Variants in DGLUCY observed in about 807,000 individuals in gnomAD.
The protein encoded by DGLUCY is D-glutamate cyclase.
DGLUCY carries 58 observed loss-of-function variants against 58.5 expected under a neutral mutation model. The ratio of observed to expected loss-of-function variants is 0.99; its 90% CI spans 0.80 to 1.23. DGLUCY has a LOEUF of 1.23. Ranked by LOEUF, DGLUCY falls within the 50% of genes most tolerant of loss-of-function variation. The pLI is 0.00. For missense variants in DGLUCY, 779 were observed against 784.7 expected (o/e 0.99, Z 0.09); for synonymous variants, 325 against 314.1 (o/e 1.03, Z -0.37).
chr14:91,193,870 A>G (rs934209045), intron 9 of DGLUCY, among the ~76,000 whole-genome samples: 24 of 151,132 alleles, frequency 1.6e-4, no homozygotes, highest in Non-Finnish European at 2.8e-4. Context: ...AAGGAGTTTT[A>G]AAGCTGACTA....
At chr14:91,077,668 C>T (rs935820572) in intron 1 of DGLUCY, among the ~76,000 whole-genome samples, 5 of 151,462 alleles carry the variant, frequency 3.3e-5, no homozygotes, top group African/African-American at 4.9e-5. Flanking sequence ...AGGCGAATCG[C>T]TTGAACCCGG....
chr14:91,077,074 C>A (rs1220098954), intron 1 of DGLUCY, among the ~76,000 whole-genome samples: 1 of 152,026 alleles, frequency 6.6e-6, no homozygotes, highest in Non-Finnish European at 1.5e-5. Flanking sequence ...GAGAGCCTGT[C>A]TCTACAAAAA....
At position 91,173,297 on chromosome 14, in the gene DGLUCY, G is replaced by C; in HGVS notation, c.465G>C (p.Val155=). The stretch of plus-strand genomic sequence containing the variant: ...TTTTTTTTTTTGGTCAGACAACAGT[G>C]CCTTGTGTTACCCATGCTGGCTTCT... The part of the protein sequence containing the change: ...HSQAGAYKTT[V]PCVTHAGFCC... The change falls in exon 6 of 14, where the codon GTG becomes GTC. Residue 155 remains valine (V), a synonymous_variant. Coordinates refer to ENST00000256324, the MANE Select transcript of DGLUCY (RefSeq NM_001102368.3). 6.2e-7 allele frequency: 1 copy of C among 1,606,342 alleles called. No individual in the cohort carries two copies. Among genetic ancestry groups the C allele is most frequent in the Non-Finnish European group, 8.5e-7 (1 of 1,177,550 alleles).
chr14:91,181,173 CTG>C lies in DGLUCY; in HGVS notation c.731-7_731-6del. 4 of 1,613,346 alleles carry C rather than the reference CTG, an allele frequency of 2.5e-6. No individual in the cohort carries two copies. Among genetic ancestry groups the C allele is most frequent in the Non-Finnish European group, 3.4e-6 (4 of 1,179,506 alleles). On this transcript the variant is annotated splice_polypyrimidine_tract_variant and intron_variant, in intron 7 of 13. Coordinates refer to ENST00000256324, the MANE Select transcript of DGLUCY (RefSeq NM_001102368.3). ...AAGTGGCTGGGCTCAGACCCTCCTG[CTG>C]TGTGTTTTAGAGACCCCACTGGCTT...
At chr14:91,175,791 C>A in intron 6 of DGLUCY, 143 bp from the exon 7 acceptor site, 1 of 908,184 alleles carries the variant, frequency 1.1e-6, no homozygotes, top group Non-Finnish European at 1.7e-6. Flanking sequence ...AATCCCTATT[C>A]TCCTTCACCT....
At chr14:91,117,471 G>A (rs1043973994) in intron 1 of DGLUCY, among the ~76,000 whole-genome samples, 1 of 152,124 alleles carries the variant, frequency 6.6e-6, no homozygotes, top group African/African-American at 2.4e-5. Flanking sequence ...TTGACTGCTG[G>A]TTTGGCCACT....
intron 1 of DGLUCY, among the ~76,000 whole-genome samples, chr14:91,155,220 C>T (rs942218782): frequency 6.6e-6 from 1 of 152,180 alleles, no homozygotes. Flanking sequence ...ACGGTAAACC[C>T]CTGTGAGTGT....
intron 1 of DGLUCY, among the ~76,000 whole-genome samples, chr14:91,134,091 A>G (rs1014850203): frequency 2.0e-5 from 3 of 152,164 alleles, no homozygotes; most frequent in African/African-American, 7.2e-5. Context: ...CCCAACCCCA[A>G]CACACACCTG....
intron 1 of DGLUCY, among the ~76,000 whole-genome samples, chr14:91,129,803 C>T (rs2045931712): frequency 6.6e-6 from 1 of 151,990 alleles, no homozygotes; most frequent in African/African-American, 2.4e-5. Context: ...TGTGCCACCA[C>T]GCCTGGCTAA....
At chr14:91,062,588 TATATATATATATATATATATATAAAC>T (rs1160172045) in intron 1 of DGLUCY, among the ~76,000 whole-genome samples, 1 of 26,338 alleles carries the variant, frequency 3.8e-5, no homozygotes, top group Non-Finnish European at 9.6e-5. Context: ...TATATATATA[TATATATATATATATATATATATAAAC>T]AATCCTTAGC....
In DGLUCY at chr14:91,188,790, C is replaced by G. The variant is rs577148405; in HGVS notation, c.935-120C>G. 2.5e-5 allele frequency: 30 copies of G among 1,181,098 alleles called. 1 individual carries two copies. In the South Asian group the frequency reaches 4.8e-4, roughly 19 times the overall value. The allele number at this position is 1,181,098 out of a possible 1,614,324, so 73.2% of individuals were successfully genotyped here. A position where few individuals can be genotyped will look rare whatever the true frequency, so the allele number is the denominator to read the frequency against. On this transcript the variant is annotated intron_variant, in intron 8 of 13. Coordinates refer to ENST00000256324, the MANE Select transcript of DGLUCY (RefSeq NM_001102368.3). ...GCTGCAGTGAGCTGTGATCACGCCA[C>G]TGCCTTCCAGCCTGGATGACAGAGC...
At chr14:91,203,194 A>T (rs1320689787) in intron 11 of DGLUCY, among the ~76,000 whole-genome samples, 1 of 152,234 alleles carries the variant, frequency 6.6e-6, no homozygotes, top group Non-Finnish European at 1.5e-5. Context: ...ACCAGATACC[A>T]GTGTTACATG....
At chr14:91,207,161 G>GGAAAAAAAAAAA (rs1407060799) in intron 12 of DGLUCY, among the ~76,000 whole-genome samples, 1 of 85,326 alleles carries the variant, frequency 1.2e-5, no homozygotes, top group African/African-American at 4.6e-5. Flanking sequence ...ACTGTCTCAG[G>GGAAAAAAAAAAA]AAAAAAAAAA....
rs374074721 is a variant in DGLUCY at position 91,220,055 on chromosome 14, G to A, written c.1716+4499G>A. Among the ~76,000 whole-genome samples, 31 of 152,344 alleles carry A rather than the reference G, an allele frequency of 2.0e-4. 2 individuals carry two copies. Among genetic ancestry groups the A allele is most frequent in the Admixed American group, 1.5e-3 (23 of 15,312 alleles). On this transcript the variant is annotated intron_variant, in intron 13 of 13. Coordinates refer to ENST00000256324, the MANE Select transcript of DGLUCY (RefSeq NM_001102368.3). ...TGCCTGGATGCTGGTCTGGGTTAGG[G>A]CCACTCTCTTCCCTGTATTTCTGTA...
At chr14:91,108,857 A>G (rs2044647047) in intron 1 of DGLUCY, among the ~76,000 whole-genome samples, 1 of 152,190 alleles carries the variant, frequency 6.6e-6, no homozygotes, top group African/African-American at 2.4e-5. Flanking sequence ...ATCTTGAACA[A>G]ATAAATGATG....
chr14:91,133,859 T>G (rs1384461043), intron 1 of DGLUCY, among the ~76,000 whole-genome samples: 3 of 152,234 alleles, frequency 2.0e-5, no homozygotes, highest in Non-Finnish European at 4.4e-5. Flanking sequence ...TGTCAAGTGG[T>G]ATCTCACTGT....
At chr14:91,194,835 G>A (rs1240600978) in intron 9 of DGLUCY, among the ~76,000 whole-genome samples, 1 of 152,054 alleles carries the variant, frequency 6.6e-6, no homozygotes, top group African/African-American at 2.4e-5. Flanking sequence ...TACGTGCCCG[G>A]CCAGTGAGGG....
chr14:91,087,432 G>T (rs57749636), intron 1 of DGLUCY, among the ~76,000 whole-genome samples: 3,788 of 152,190 alleles, frequency 0.025, 159 homozygotes, highest in African/African-American at 0.085. Flanking sequence ...TCAAAGACCT[G>T]TGCTAACATT....
chr14:91,081,581 C>T (rs1403780901), intron 1 of DGLUCY, among the ~76,000 whole-genome samples: 3 of 152,100 alleles, frequency 2.0e-5, no homozygotes, highest in African/African-American at 4.8e-5. Flanking sequence ...ATCGAGGCAT[C>T]GGTAGGGCTG....
Sources: allele counts gnomAD v4.1 joint callset (sites outside exome capture counted in the v4.1 genomes callset), GRCh38; gene constraint gnomAD v4.1.1; transcripts MANE v1.5; gene names NCBI Gene and HGNC (gene_info 2026-07-23, HGNC 2026-07-21).